The following ISG20L2 variants were observed in gnomAD, a reference collection of about 807,000 sequenced individuals.
ISG20L2 encodes interferon stimulated exonuclease gene 20 like 2.
A neutral mutation model predicts 27.8 loss-of-function variants in ISG20L2; 14 were observed. The ratio of observed to expected loss-of-function variants is 0.50; its 90% CI spans 0.33 to 0.79. The LOEUF (loss-of-function observed/expected upper bound fraction) is 0.79, where lower values mean the gene tolerates loss of function less well. Ranked by LOEUF, ISG20L2 falls within the 30% of genes least tolerant of loss-of-function variation. The pLI is 0.02. For synonymous variants in ISG20L2, 157 were observed against 165.7 expected (o/e 0.95, Z 0.40); for missense variants, 393 against 435.1 (o/e 0.90, Z 0.86).
intron 2 of ISG20L2, chr1:156,726,237 C>T: frequency 1.0e-6 from 1 of 985,332 alleles, no homozygotes; most frequent in Non-Finnish European, 1.2e-6. Context: ...CCCCAGGCTA[C>T]TTTTTGCTTG....
Position 156,728,220 on chromosome 1 carries a change from C to T in ISG20L2, c.-118+195G>A, listed in dbSNP as rs867456305. 1.2e-5 allele frequency: 12 copies of T among 985,946 alleles called. No homozygotes were observed. The Middle Eastern group carries it at 1.6e-3, about 129-fold the overall frequency. 61.1% of individuals were successfully genotyped at this position (985,946 alleles called of 1,614,324 possible). A position where few individuals can be genotyped will look rare whatever the true frequency, so the allele number is the denominator to read the frequency against. On this transcript the variant is annotated intron_variant, in intron 1 of 3. Coordinates refer to ENST00000368219, the MANE Select transcript of ISG20L2 (RefSeq NM_001370150.2). ...CCACCAATAGAGACACAAATCCAGG[C>T]ATCCCTTTCCCTTGGCTCCAGGCCG...
chr1:156,724,081 A>G lies in ISG20L2; in HGVS notation c.948+67T>C, dbSNP rs116532670. Reference sequence around the variant, plus strand: ...ACAACCACAGGACTTCTGAGATCAGAGTCTGGCTAGGGGCATCAACGAGAG... The same window carrying G: ...ACAACCACAGGACTTCTGAGATCAGGGTCTGGCTAGGGGCATCAACGAGAG... On this transcript the variant is annotated intron_variant, in intron 3 of 3. Transcript: ENST00000368219. 24 of 1,394,872 alleles carry G rather than the reference A, an allele frequency of 1.7e-5. No homozygotes were observed. In the African/African-American group the frequency reaches 3.4e-4, roughly 20 times the overall value. The allele number at this position is 1,394,872 out of a possible 1,614,324, so 86.4% of individuals were successfully genotyped here.
chr1:156,723,892 AC>A (rs1648641065), intron 3 of ISG20L2: 6 of 1,313,956 alleles, frequency 4.6e-6, no homozygotes, highest in Non-Finnish European at 5.8e-6. Context: ...CTCTTGGACC[AC>A]CACTGCTACC....
At chr1:156,726,384 T>C in intron 2 of ISG20L2, 1 of 985,442 alleles carries the variant, frequency 1.0e-6, no homozygotes, top group Non-Finnish European at 1.2e-6. Flanking sequence ...TCTATGCAGA[T>C]TCCCAGTTCC....
Position 156,727,545 on chromosome 1 carries a change from T to C in ISG20L2, c.108A>G (p.Glu36=), listed in dbSNP as rs777011858. The C allele has an allele frequency of 6.2e-7, 1 of 1,614,178 alleles. No homozygotes were observed. The highest frequency in any genetic ancestry group is 8.5e-7 in the Non-Finnish European group (1 of 1,180,034). ...TCTTTTTACTCAGAAAGCCTCTCCG[T>C]TCTAAGAGCCTCCGCTTCTTGACAA... ...RNFVKKRRLL[E]RRGFLSKKNQ... Residue 36 remains glutamate, a synonymous_variant, in exon 2 of 4, where the codon GAA becomes GAG. Coordinates refer to ENST00000368219, the MANE Select transcript of ISG20L2 (RefSeq NM_001370150.2).
At chr1:156,727,889 G>A (rs981410473) in intron 1 of ISG20L2, 120 bp from the exon 2 acceptor site, 5 of 1,279,656 alleles carry the variant, frequency 3.9e-6, no homozygotes, top group Middle Eastern at 3.0e-4. Context: ...AGACAGAGGG[G>A]AAATGAAAAC....
At chr1:156,726,307 A>C in intron 2 of ISG20L2, 1 of 985,346 alleles carries the variant, frequency 1.0e-6, no homozygotes, top group South Asian at 4.7e-5. Context: ...GGTTTTTCCA[A>C]ATCAAGCCCT....
chr1:156,726,132 C>T (rs1648747788), intron 2 of ISG20L2: 1 of 985,324 alleles, frequency 1.0e-6, no homozygotes, highest in Admixed American at 6.1e-5. Flanking sequence ...CCGTTTATGC[C>T]GTTCACTGGT....
At position 156,727,524 on chromosome 1, in the gene ISG20L2, T is replaced by G; in HGVS notation, c.129A>C (p.Lys43Asn). ...GCGCCTTGCTAGGGGGTTGGTTCTT[T>G]TTACTCAGAAAGCCTCTCCGTTCTA... ...RLLERRGFLS[K>N]KNQPPSKAPK... The change falls in exon 2 of 4, where the codon AAA becomes AAC. Residue 43 changes from lysine (K) to asparagine (N), a missense_variant. By Grantham distance (94) the Lys-to-Asn change is moderately conservative. This residue lies in a region of ISG20L2 where 183 missense variants were observed against 168.2 expected (regional missense o/e 1.09). Coordinates refer to ENST00000368219, the MANE Select transcript of ISG20L2 (RefSeq NM_001370150.2). 6.2e-7 allele frequency: 1 copy of G among 1,614,148 alleles called. No homozygotes were observed. Among genetic ancestry groups the G allele is most frequent in the Non-Finnish European group, 8.5e-7 (1 of 1,180,008 alleles).
rs1483207049 is a variant in ISG20L2, at chr1:156,723,303, T to C, written c.*46A>G. 1.2e-6 allele frequency: 2 copies of C among 1,612,102 alleles called. No individual in the cohort carries two copies. The highest frequency in any genetic ancestry group is 1.7e-6 in the Non-Finnish European group (2 of 1,178,928). On this transcript the variant is annotated 3_prime_UTR_variant, in exon 4 of 4. Coordinates refer to ENST00000368219, the MANE Select transcript of ISG20L2 (RefSeq NM_001370150.2). ...CATTGGTCCACTGCCCTGTTTCTCC[T>C]GGGTGCTGCCTCTGCCTCCTCATAT...
intron 2 of ISG20L2, chr1:156,725,010 G>A (rs552105583): frequency 6.6e-6 from 1 of 150,848 alleles, no homozygotes; most frequent in South Asian, 2.1e-4. Context: ...GGAGTGTACT[G>A]GCGCGATCTT....
In ISG20L2 at chr1:156,727,498, G is replaced by T. The variant is rs1225004666; in HGVS notation, c.155C>A (p.Pro52His). The T allele has an allele frequency of 1.9e-6, 3 of 1,614,042 alleles. No homozygotes were observed. Among genetic ancestry groups the T allele is most frequent in the Admixed American group, 3.3e-5 (2 of 60,020 alleles). The change falls in exon 2 of 4, where the codon CCT (proline) becomes CAT (histidine). Residue 52 changes from proline to histidine, a missense_variant. Coordinates refer to ENST00000368219, the MANE Select transcript of ISG20L2 (RefSeq NM_001370150.2). ...CTTTGAAGGTTCAGAGTGCAACTTA[G>T]GCGCCTTGCTAGGGGGTTGGTTCTT... ...SKKNQPPSKA[P>H]KLHSEPSKKG...
rs1246660105 is a variant in ISG20L2 at position 156,727,003 on chromosome 1, A to G, written c.650T>C (p.Leu217Pro). 6.2e-7 allele frequency: 1 copy of G among 1,614,222 alleles called. No homozygotes were observed. Reference sequence around the variant, plus strand: ...GTAGTCCACAATGTGGCAGGGGGGAAGAATGTACTCGTCATAAAGCACATC... The same window carrying G: ...GTAGTCCACAATGTGGCAGGGGGGAGGAATGTACTCGTCATAAAGCACATC... The part of the protein sequence containing the change: ...NGDVLYDEYI[L>P]PPCHIVDYRT... The change falls in exon 2 of 4, where the codon CTT becomes CCT. Residue 217 changes from leucine to proline, a missense_variant. Transcript: ENST00000368219.
chr1:156,726,829 T>C, intron 2 of ISG20L2, 77 bp downstream of exon 2: 1 of 1,542,938 alleles, frequency 6.5e-7, no homozygotes, highest in East Asian at 2.3e-5. Flanking sequence ...CTTCCCATAG[T>C]GATATCCTTT....
At chr1:156,723,711 T>C (rs1313896872) in intron 3 of ISG20L2, 6 of 985,354 alleles carry the variant, frequency 6.1e-6, no homozygotes, top group Non-Finnish European at 7.2e-6. Context: ...TATTAGGTTC[T>C]GTAGAGATAG....
intron 1 of ISG20L2, 140 bp from the exon 2 acceptor site, chr1:156,727,909 A>G (rs372724195): frequency 1.6e-6 from 2 of 1,239,396 alleles, no homozygotes. Context: ...CATAACATGA[A>G]ATGATGGAGG....
In ISG20L2 at chr1:156,723,324, C is replaced by G. The variant is rs774288085; in HGVS notation, c.*25G>C. On this transcript the variant is annotated 3_prime_UTR_variant, in exon 4 of 4. Coordinates refer to ENST00000368219, the MANE Select transcript of ISG20L2 (RefSeq NM_001370150.2). ...CTCCTGGGTGCTGCCTCTGCCTCCTCATATCACCAGCGTCCCCACTGCCAC... is the reference window on the plus strand; with the variant it reads ...CTCCTGGGTGCTGCCTCTGCCTCCTGATATCACCAGCGTCCCCACTGCCAC... 5.0e-6 allele frequency: 8 copies of G among 1,613,032 alleles called. No individual in the cohort carries two copies. The highest frequency in any genetic ancestry group is 6.8e-6 in the Non-Finnish European group (8 of 1,179,148).
intron 2 of ISG20L2, 37 bp from the exon 3 acceptor site, chr1:156,724,385 G>A (rs1648666994): frequency 1.9e-6 from 3 of 1,546,866 alleles, no homozygotes; most frequent in Admixed American, 1.8e-5. Flanking sequence ...TGAGAAGGAA[G>A]ACTGAAGTGG....
At chr1:156,723,530 C>T in intron 3 of ISG20L2, 68 bp from the exon 4 acceptor site, 3 of 1,595,596 alleles carry the variant, frequency 1.9e-6, no homozygotes, top group Non-Finnish European at 2.6e-6. Context: ...AGTGTACTCT[C>T]TGTACTCCTC....
Sources: allele counts gnomAD v4.1 joint callset, GRCh38; gene constraint gnomAD v4.1.1; regional missense constraint gnomAD v4.1.1; transcripts MANE v1.5; gene names NCBI Gene and HGNC (gene_info 2026-07-23, HGNC 2026-07-21).